FAM111B: variants seen among roughly 807,000 people sequenced by gnomAD.
FAM111B encodes serine protease FAM111B.
A neutral mutation model predicts 2.8 loss-of-function variants in FAM111B; 1 was observed. The observed-to-expected ratio is 0.36, with a 90% CI of 0.13 to 1.70. The LOEUF (loss-of-function observed/expected upper bound fraction) is 1.70. Among genes scored for constraint, FAM111B ranks in the 40% most tolerant of loss-of-function variants. The probability of loss-of-function intolerance (pLI) is 0.35; values close to 1 mark genes in which losing one functional copy is unlikely to be tolerated. For synonymous variants in FAM111B, 297 were observed against 295.6 expected, an observed-to-expected ratio of 1.00 and a Z score of -0.05; for missense variants, 882 against 878.9, an observed-to-expected ratio of 1.00 and a Z score of -0.04.
rs980552347 is a variant in FAM111B at position 59,126,985 on chromosome 11, C to T, written c.*683C>T. 8 of 152,568 alleles carry T rather than the reference C, an allele frequency of 5.2e-5. No homozygotes were observed. Among genetic ancestry groups the T allele is most frequent in the Admixed American group, 3.9e-4 (6 of 15,282 alleles). 9.5% of individuals were successfully genotyped at this position (152,568 alleles called of 1,614,324 possible). A position where few individuals can be genotyped will look rare whatever the true frequency, so the allele number is the denominator to read the frequency against. ...CACAATAGCAAAACATGAAATCAAC[C>T]TAAATGCCCATCAATGGTAGACTGG... On this transcript the variant is annotated 3_prime_UTR_variant, in exon 4 of 4. Transcript: ENST00000343597.
chr11:59,125,833 A>G lies in FAM111B; in HGVS notation c.1736A>G (p.His579Arg). 1 of 1,613,934 alleles carries G rather than the reference A, an allele frequency of 6.2e-7. No homozygotes were observed. The highest frequency in any genetic ancestry group is 2.2e-5 in the East Asian group (1 of 44,882). Reference sequence around the variant, plus strand: ...ACTGGTTTGATTTATTTAATTGGTCATCCTGAAGGCCAGATCAAGAAAATA... The same window carrying G: ...ACTGGTTTGATTTATTTAATTGGTCGTCCTGAAGGCCAGATCAAGAAAATA... ...PSTGLIYLIG[H>R]PEGQIKKIDG... The change falls in exon 4 of 4, where the codon CAT becomes CGT. Residue 579 changes from histidine (H) to arginine (R), a missense_variant. Physicochemically the swap from His to Arg is conservative, Grantham distance 29. Transcript: ENST00000343597.
rs1860048905 is a variant in FAM111B at position 59,126,995 on chromosome 11, A to T, written c.*693A>T. The T allele has an allele frequency of 6.6e-6, 1 of 152,462 alleles. No individual in the cohort carries two copies. Among genetic ancestry groups the T allele is most frequent in the South Asian group, 2.1e-4 (1 of 4,830 alleles). 9.4% of individuals were successfully genotyped at this position (152,462 alleles called of 1,614,324 possible). On this transcript the variant is annotated 3_prime_UTR_variant, in exon 4 of 4. Transcript: ENST00000343597. ...AAACATGAAATCAACCTAAATGCCCATCAATGGTAGACTGGATAAAGAAAA... is the reference window on the plus strand; with the variant it reads ...AAACATGAAATCAACCTAAATGCCCTTCAATGGTAGACTGGATAAAGAAAA...
In FAM111B at chr11:59,125,900, A is replaced by C. The variant is rs1211567687; in HGVS notation, c.1803A>C (p.Lys601Asn). ...TVIPLNERLK[K>N]YPNDCQDGLV... ...TTCCTCTAAACGAACGATTGAAAAA[A>C]TATCCAAACGATTGTCAAGATGGGT... The change falls in exon 4 of 4, where the codon AAA (lysine) becomes AAC (asparagine). Residue 601 changes from lysine to asparagine, a missense_variant. Coordinates refer to ENST00000343597, the MANE Select transcript of FAM111B (RefSeq NM_198947.4). 5 of 1,613,926 alleles carry C rather than the reference A, an allele frequency of 3.1e-6. No homozygotes were observed. Among genetic ancestry groups the C allele is most frequent in the Non-Finnish European group, 4.2e-6 (5 of 1,179,858 alleles).
chr11:59,116,822 A>C (rs1859847172), intron 3 of FAM111B, among the ~76,000 whole-genome samples: 1 of 152,240 alleles, frequency 6.6e-6, no homozygotes, highest in Non-Finnish European at 1.5e-5. Flanking sequence ...ATTCTGATGC[A>C]GAATGGTGGC....
rs7101493 is a variant in FAM111B, at chr11:59,114,871, C to T, written c.81+5165C>T. Among the ~76,000 whole-genome samples, 1,067 of 151,980 alleles carry T rather than the reference C, an allele frequency of 7.0e-3. 15 individuals are homozygous for T. Among genetic ancestry groups the T allele is most frequent in the African/African-American group, 0.024 (995 of 41,444 alleles). ...ATGGGCAGAAGGGAAAAGAGAATGG[C>T]GGAGGCTGTTTTGGAAGTGATGATA... On this transcript the variant is annotated intron_variant, in intron 3 of 3. Transcript: ENST00000343597.
chr11:59,118,766 G>A (rs1424988195), intron 3 of FAM111B, among the ~76,000 whole-genome samples: 1 of 131,668 alleles, frequency 7.6e-6, no homozygotes, highest in East Asian at 2.1e-4. Context: ...AGAAATAGAT[G>A]TCAGGCTTAC....
Position 59,125,640 on chromosome 11 carries a change from G to GT in FAM111B, c.1544dup (p.Thr516AsnfsTer12). 1 of 1,613,916 alleles carries GT rather than the reference G, an allele frequency of 6.2e-7. No homozygotes were observed. The highest frequency in any genetic ancestry group is 8.5e-7 in the Non-Finnish European group (1 of 1,179,828). On this transcript the variant is annotated frameshift_variant, in exon 4 of 4. Coordinates refer to ENST00000343597, the MANE Select transcript of FAM111B (RefSeq NM_198947.4). LOFTEE classifies it low-confidence loss of function (END_TRUNC). The stretch of plus-strand genomic sequence containing the variant: ...AGATATAATTAGCAAATGTGCGAAG[G>GT]TAACCTTCACTTATACAGAGTTCTG...
chr11:59,124,082 A>C, intron 3 of FAM111B, 97 bp from the exon 4 acceptor site: 1 of 774,392 alleles, frequency 1.3e-6, no homozygotes, highest in Non-Finnish European at 1.9e-6. Flanking sequence ...ATATTATCTA[A>C]TTTTTATTCA....
chr11:59,124,142 T>C, intron 3 of FAM111B, 37 bp from the exon 4 acceptor site: 1 of 1,398,998 alleles, frequency 7.1e-7, no homozygotes. Context: ...TTATTAAAGG[T>C]GATTCTTGTT....
At position 59,126,085 on chromosome 11, in the gene FAM111B, C is replaced by T. The variant is rs900892898; in HGVS notation, c.1988C>T (p.Ala663Val). 2.5e-6 allele frequency: 4 copies of T among 1,613,754 alleles called. No individual in the cohort carries two copies. The highest frequency in any genetic ancestry group is 1.1e-5 in the South Asian group (1 of 91,036). ...PVFNASGKLV[A>V]LHTFGLFYQR... is the part of the protein sequence containing the mutation. ...TTTAATGCATCTGGCAAATTGGTTG[C>T]TTTGCATACCTTTGGGCTTTTTTAT... The change falls in exon 4 of 4, where the codon GCT (alanine) becomes GTT (valine). Residue 663 changes from alanine to valine, a missense_variant. Ala to Val is a moderately conservative substitution (Grantham distance 64). Transcript: ENST00000343597.
intron 3 of FAM111B, among the ~76,000 whole-genome samples, chr11:59,121,551 A>G (rs540663116): frequency 6.6e-6 from 1 of 152,250 alleles, no homozygotes; most frequent in Non-Finnish European, 1.5e-5. Flanking sequence ...ATCTATTATA[A>G]TAAAGATGAT....
In FAM111B at chr11:59,126,010, C is replaced by T. The variant is rs143926442; in HGVS notation, c.1913C>T (p.Thr638Met). The change falls in exon 4 of 4, where the codon ACG becomes ATG. Residue 638 changes from threonine to methionine, a missense_variant. Transcript: ENST00000343597. Reference sequence around the variant, plus strand: ...CTATCAGAGGTTTGGAACACACACACGCTTAGTTATGATACTTGTTTCTCT... The same window carrying T: ...CTATCAGAGGTTTGGAACACACACATGCTTAGTTATGATACTTGTTTCTCT... ...SFLSEVWNTH[T>M]LSYDTCFSDG... 2.4e-4 allele frequency: 391 copies of T among 1,613,900 alleles called. No individual in the cohort carries two copies. In the African/African-American group the frequency reaches 3.8e-3, roughly 16 times the overall value.
At chr11:59,121,281 A>T (rs1335638873) in intron 3 of FAM111B, among the ~76,000 whole-genome samples, 2 of 152,204 alleles carry the variant, frequency 1.3e-5, no homozygotes, top group Admixed American at 1.3e-4. Context: ...AAAAAGAAAA[A>T]TAATCCAGTA....
intron 3 of FAM111B, among the ~76,000 whole-genome samples, chr11:59,113,187 TTGTG>T (rs1243168517): frequency 1.7e-5 from 2 of 117,846 alleles, no homozygotes; most frequent in African/African-American, 7.6e-5. Context: ...GGATCAAAGT[TTGTG>T]TGTTTGTGTA....
intron 3 of FAM111B, among the ~76,000 whole-genome samples, chr11:59,119,172 C>T (rs1274502464): frequency 3.9e-5 from 6 of 152,146 alleles, no homozygotes; most frequent in Non-Finnish European, 5.9e-5. Flanking sequence ...CATGCATGTG[C>T]GGATCACTAG....
Position 59,126,204 on chromosome 11 carries a change from A to C in FAM111B, c.2107A>C (p.Lys703Gln). ...DIKKTNESLY[K>Q]SLNDEKLETY... ...TAAAAAGACAAATGAGAGCTTGTAT[A>C]AATCATTAAATGATGAGAAACTTGA... Residue 703 changes from lysine to glutamine, a missense_variant, in exon 4 of 4, where the codon AAA becomes CAA. By Grantham distance (53) the Lys-to-Gln change is moderately conservative (BLOSUM62 1). Transcript: ENST00000343597. 6.2e-7 allele frequency: 1 copy of C among 1,607,490 alleles called. No individual in the cohort carries two copies. Among genetic ancestry groups the C allele is most frequent in the Non-Finnish European group, 8.5e-7 (1 of 1,178,206 alleles).
intron 3 of FAM111B, among the ~76,000 whole-genome samples, chr11:59,111,688 C>G (rs1326095814): frequency 6.6e-6 from 1 of 152,136 alleles, no homozygotes; most frequent in African/African-American, 2.4e-5. Flanking sequence ...TGGAATTAGA[C>G]AGTGCAGATG....
chr11:59,125,877 C>T lies in FAM111B; in HGVS notation c.1780C>T (p.Pro594Ser), dbSNP rs562863736. The change falls in exon 4 of 4, where the codon CCT (proline) becomes TCT (serine). Residue 594 changes from proline to serine, a missense_variant. Pro to Ser is a moderately conservative substitution (Grantham distance 74, BLOSUM62 -1). Coordinates refer to ENST00000343597, the MANE Select transcript of FAM111B (RefSeq NM_198947.4). ...IKKIDGCTVI[P>S]LNERLKKYPN... is the part of the protein sequence containing the mutation. ...GAAAATAGATGGTTGTACTGTGATT[C>T]CTCTAAACGAACGATTGAAAAAATA... 6.2e-7 allele frequency: 1 copy of T among 1,613,870 alleles called. No individual in the cohort carries two copies. The highest frequency in any genetic ancestry group is 1.1e-5 in the South Asian group (1 of 91,064).
In FAM111B at chr11:59,126,044, C is replaced by T. The variant is rs1236629826; in HGVS notation, c.1947C>T (p.Ser649=). The T allele has an allele frequency of 1.2e-6, 2 of 1,613,842 alleles. No individual in the cohort carries two copies. The highest frequency in any genetic ancestry group is 8.5e-7 in the Non-Finnish European group (1 of 1,179,790). ...ATGATACTTGTTTCTCTGATGGGTC[C>T]TCAGGCTCCCCAGTGTTTAATGCAT... The part of the protein sequence containing the change: ...LSYDTCFSDG[S]SGSPVFNASG... Residue 649 remains serine, a synonymous_variant, in exon 4 of 4, where the codon TCC becomes TCT. Coordinates refer to ENST00000343597, the MANE Select transcript of FAM111B (RefSeq NM_198947.4).
Sources: allele counts gnomAD v4.1 joint callset (sites outside exome capture counted in the v4.1 genomes callset), GRCh38; gene constraint gnomAD v4.1.1; transcripts MANE v1.5; gene names NCBI Gene and HGNC (gene_info 2026-07-23, HGNC 2026-07-21).